CDK14: variants seen among roughly 807,000 people sequenced by gnomAD.
CDK14 encodes the protein cyclin-dependent kinase 14.
Under a neutral mutation model 60.7 loss-of-function variants are expected in CDK14, and 34 were observed. That is an observed-to-expected ratio of 0.56 (90% confidence interval 0.43 to 0.75). The LOEUF (loss-of-function observed/expected upper bound fraction) is 0.75. Ranked by LOEUF, CDK14 falls within the 30% of genes least tolerant of loss-of-function variation. The probability of loss-of-function intolerance (pLI) is 0.00; values close to 1 mark genes in which losing one functional copy is unlikely to be tolerated. For synonymous variants in CDK14, 197 were observed against 203.7 expected (o/e 0.97, Z 0.28); for missense variants, 482 against 564.1 (o/e 0.85, Z 1.47).
chr7:90,735,116 T>A (rs1355882184), intron 3 of CDK14, among the ~76,000 whole-genome samples: 2 of 152,172 alleles, frequency 1.3e-5, no homozygotes, highest in Non-Finnish European at 1.5e-5. Flanking sequence ...CTAGACCCTG[T>A]TTGCCTGGGT....
At chr7:90,664,582 A>G (rs1800932345) in intron 2 of CDK14, among the ~76,000 whole-genome samples, 1 of 152,210 alleles carries the variant, frequency 6.6e-6, no homozygotes, top group South Asian at 2.1e-4. Context: ...AATATGGCAC[A>G]TATACACCAT....
At chr7:90,705,342 GA>G (rs996075580) in intron 2 of CDK14, among the ~76,000 whole-genome samples, 3 of 149,014 alleles carry the variant, frequency 2.0e-5, no homozygotes, top group African/African-American at 7.4e-5. Context: ...GGTAGAAAAG[GA>G]AAAAAAAAGA....
At chr7:90,811,791 C>G (rs1052645411) in intron 5 of CDK14, among the ~76,000 whole-genome samples, 2 of 152,130 alleles carry the variant, frequency 1.3e-5, no homozygotes, top group African/African-American at 2.4e-5. Context: ...ACAACCCCAT[C>G]AAAAAGTGGG....
At chr7:90,661,195 C>T (rs931826578) in intron 2 of CDK14, among the ~76,000 whole-genome samples, 1 of 152,214 alleles carries the variant, frequency 6.6e-6, no homozygotes, top group African/African-American at 2.4e-5. Context: ...TGAAATTTGC[C>T]TAATGCTTTT....
At chr7:90,993,696 A>G (rs35867894) in intron 10 of CDK14, among the ~76,000 whole-genome samples, 1,847 of 152,322 alleles carry the variant, frequency 0.012, 19 homozygotes, top group South Asian at 0.044. Flanking sequence ...ATGCTGGTGA[A>G]ATAATAAATG....
chr7:90,672,238 C>T (rs1584784247), intron 2 of CDK14, among the ~76,000 whole-genome samples: 1 of 152,110 alleles, frequency 6.6e-6, no homozygotes, highest in East Asian at 1.9e-4. Flanking sequence ...AGTATATTCA[C>T]AGGGTTGTAA....
chr7:90,999,727 G>A (rs1795789773), intron 10 of CDK14, among the ~76,000 whole-genome samples: 2 of 152,206 alleles, frequency 1.3e-5, no homozygotes, highest in Non-Finnish European at 1.5e-5. Context: ...TTTGAGCAGA[G>A]CTGTGTCAAC....
intron 14 of CDK14, among the ~76,000 whole-genome samples, chr7:91,141,685 A>T (rs11763415): frequency 3.3e-5 from 5 of 151,968 alleles, no homozygotes; most frequent in African/African-American, 1.2e-4. Flanking sequence ...GGGCATTCCA[A>T]CCTACAGTTA....
intron 5 of CDK14, among the ~76,000 whole-genome samples, chr7:90,856,044 G>A (rs1196260858): frequency 6.6e-6 from 1 of 152,160 alleles, no homozygotes; most frequent in Non-Finnish European, 1.5e-5. Flanking sequence ...TCTCCAAACT[G>A]AAAAACTCTT....
chr7:90,630,603 C>T (rs1018504829), intron 2 of CDK14, among the ~76,000 whole-genome samples: 1 of 152,122 alleles, frequency 6.6e-6, no homozygotes, highest in African/African-American at 2.4e-5. Context: ...TCTGGCAAAT[C>T]CCATCCTTAG....
At chr7:90,957,823 G>A (rs907248812) in intron 9 of CDK14, among the ~76,000 whole-genome samples, 2 of 151,830 alleles carry the variant, frequency 1.3e-5, no homozygotes, top group Admixed American at 1.3e-4. Context: ...AGCTACCAAT[G>A]ACTTTCTTCA....
At chr7:91,086,048 A>G (rs1798628996) in intron 12 of CDK14, among the ~76,000 whole-genome samples, 1 of 152,184 alleles carries the variant, frequency 6.6e-6, no homozygotes, top group Non-Finnish European at 1.5e-5. Flanking sequence ...GGTTGCTGCC[A>G]TATTGGGTGA....
At chr7:91,059,256 T>G (rs1797696812) in intron 11 of CDK14, among the ~76,000 whole-genome samples, 1 of 152,202 alleles carries the variant, frequency 6.6e-6, no homozygotes. Flanking sequence ...TGATATCCCC[T>G]TTAACATTTT....
chr7:90,636,301 T>C (rs923255934), intron 2 of CDK14, among the ~76,000 whole-genome samples: 4 of 152,224 alleles, frequency 2.6e-5, no homozygotes, highest in African/African-American at 9.7e-5. Context: ...TATTTTGAAA[T>C]ACGTCCCATC....
intron 10 of CDK14, among the ~76,000 whole-genome samples, chr7:91,002,317 T>C (rs1795860643): frequency 1.3e-5 from 2 of 152,198 alleles, no homozygotes; most frequent in South Asian, 4.1e-4. Flanking sequence ...TTCTCCACAC[T>C]AGTTATATTT....
At chr7:91,163,386 C>T (rs948644530) in intron 14 of CDK14, among the ~76,000 whole-genome samples, 2 of 152,170 alleles carry the variant, frequency 1.3e-5, no homozygotes, top group African/African-American at 2.4e-5. Context: ...GCAATGTAAG[C>T]GTTCCTAACA....
At chr7:90,988,642 G>A (rs1392312507) in intron 10 of CDK14, among the ~76,000 whole-genome samples, 1 of 152,116 alleles carries the variant, frequency 6.6e-6, no homozygotes, top group Non-Finnish European at 1.5e-5. Flanking sequence ...GTACAACCCT[G>A]GGAATATGTT....
chr7:91,132,343 G>A (rs1800143621), intron 14 of CDK14, among the ~76,000 whole-genome samples: 1 of 152,144 alleles, frequency 6.6e-6, no homozygotes, highest in African/African-American at 2.4e-5. Context: ...GTCACAAAGT[G>A]CAGCATCTCT....
chr7:91,184,349 A>T (rs1292297178), intron 14 of CDK14, among the ~76,000 whole-genome samples: 1 of 151,624 alleles, frequency 6.6e-6, no homozygotes, highest in East Asian at 1.9e-4. Context: ...AGAAAACAAC[A>T]TAATGTGGTA....
Sources: gnomAD v4.1 joint callset for allele counts (sites outside exome capture counted in the v4.1 genomes callset) on GRCh38, gnomAD v4.1.1 for gene constraint, MANE v1.5 for transcripts, NCBI Gene and HGNC (gene_info 2026-07-23, HGNC 2026-07-21) for gene names.